Variants in RAB3B observed in about 807,000 individuals in gnomAD.
RAB3B encodes RAB3B, member RAS oncogene family.
Under a neutral mutation model 20.5 loss-of-function variants are expected in RAB3B, and 11 were observed. The observed-to-expected ratio is 0.54, with a 90% confidence interval of 0.34 to 0.89. RAB3B has a LOEUF of 0.89. RAB3B is among the 40% of genes least tolerant of loss of function. The probability of loss-of-function intolerance (pLI) is 0.02; values close to 1 mark genes in which losing one functional copy is unlikely to be tolerated. For synonymous variants in RAB3B, 99 were observed against 106.3 expected, an observed-to-expected ratio of 0.93 and a Z score of 0.42; for missense variants, 225 against 280.9, an observed-to-expected ratio of 0.80 and a Z score of 1.42.
At position 51,918,766 on chromosome 1, in the gene RAB3B, G is replaced by A. The variant is rs867474700; in HGVS notation, c.*1161C>T. 81 of 152,152 alleles carry A rather than the reference G, an allele frequency of 5.3e-4. 1 individual carries two copies. Among genetic ancestry groups the A allele is most frequent in the African/African-American group, 1.8e-3 (74 of 41,422 alleles). 9.4% of individuals were successfully genotyped at this position (152,152 alleles called of 1,614,324 possible). The stretch of plus-strand genomic sequence containing the variant: ...ATCCCGTCAAATCTAAAATCCTCAG[G>A]TTCTAGGAGTCTAAGAACTAATAAC... On this transcript the variant is annotated 3_prime_UTR_variant, in exon 5 of 5. Coordinates refer to ENST00000371655, the MANE Select transcript of RAB3B (RefSeq NM_002867.4).
At chr1:51,966,384 G>A (rs149950610) in intron 2 of RAB3B, among the ~76,000 whole-genome samples, 3 of 152,180 alleles carry the variant, frequency 2.0e-5, no homozygotes, top group Non-Finnish European at 2.9e-5. Flanking sequence ...ACAGTGCCTC[G>A]CATATAATAT....
intron 4 of RAB3B, among the ~76,000 whole-genome samples, chr1:51,926,377 T>C (rs889836793): frequency 1.5e-4 from 23 of 152,184 alleles, no homozygotes; most frequent in African/African-American, 4.8e-4. Context: ...TGCCTCCTTG[T>C]GGGAAGAATA....
chr1:51,953,364 CA>C (rs1404329304), intron 2 of RAB3B, among the ~76,000 whole-genome samples: 1 of 151,968 alleles, frequency 6.6e-6, no homozygotes, highest in Non-Finnish European at 1.5e-5. Context: ...GGAAGAGAGC[CA>C]GGAGGAAAAA....
rs1349734401 is a variant in RAB3B at position 51,913,316 on chromosome 1, C to T, written c.*6611G>A. 1 of 152,156 alleles carries T rather than the reference C, an allele frequency of 6.6e-6. No homozygotes were observed. Among genetic ancestry groups the T allele is most frequent in the East Asian group, 1.9e-4 (1 of 5,194 alleles). 9.4% of individuals were successfully genotyped at this position (152,156 alleles called of 1,614,324 possible). ...TGCCCTGCCCTATACAGTTTTGCCA[C>T]TTGTCTTTGGTGATATCATCGGAGC... is the stretch of plus-strand genomic sequence containing the variant. On this transcript the variant is annotated 3_prime_UTR_variant, in exon 5 of 5. Transcript: ENST00000371655.
At position 51,920,119 on chromosome 1, in the gene RAB3B, A is replaced by G. The variant is rs777988055; in HGVS notation, c.473-5T>C. The G allele has an allele frequency of 6.2e-7, 1 of 1,605,224 alleles. No individual in the cohort carries two copies. Among genetic ancestry groups the G allele is most frequent in the South Asian group, 1.1e-5 (1 of 90,148 alleles). On this transcript the variant is annotated splice_region_variant and splice_polypyrimidine_tract_variant and intron_variant, in intron 4 of 4. Transcript: ENST00000371655. ...TGGCTTCAAAGAAATCAAACCCTGG[A>G]AAGAGGAGAGATACAGATAAGGACT...
chr1:51,950,529 G>A (rs543115726), intron 2 of RAB3B, among the ~76,000 whole-genome samples: 1 of 152,312 alleles, frequency 6.6e-6, no homozygotes, highest in African/African-American at 2.4e-5. Context: ...AGAACTTCAG[G>A]ATTGGTTGGA....
Position 51,960,845 on chromosome 1 carries a change from C to T in RAB3B, c.228+16045G>A, listed in dbSNP as rs546737707. ...AACCCTAAGATCAGTCACAGTAGTA[C>T]AGCATAATAGAAACCTCATGAGCTA... On this transcript the variant is annotated intron_variant, in intron 2 of 4. Coordinates refer to ENST00000371655, the MANE Select transcript of RAB3B (RefSeq NM_002867.4). Among the ~76,000 whole-genome samples, 11 of 152,276 alleles carry T rather than the reference C, an allele frequency of 7.2e-5. No individual in the cohort carries two copies. The East Asian group carries it at 2.1e-3, about 29-fold the overall frequency.
At chr1:51,982,032 A>T (rs1685095324) in intron 1 of RAB3B, among the ~76,000 whole-genome samples, 1 of 152,100 alleles carries the variant, frequency 6.6e-6, no homozygotes. Context: ...AGCCTCAGGC[A>T]GGTCCTTCAG....
In RAB3B at chr1:51,937,395, C is replaced by T; in HGVS notation, c.246G>A (p.Glu82=). Residue 82 remains glutamate, a synonymous_variant, in exon 3 of 5, where the codon GAG becomes GAA. Coordinates refer to ENST00000371655, the MANE Select transcript of RAB3B (RefSeq NM_002867.4). The stretch of plus-strand genomic sequence containing the variant: ...AGGCTGTTGTGATGGTCCGGTACCG[C>T]TCCTGCCCAGCTGTGTCCTGGGCAG... The part of the protein sequence containing the change: ...KLQIWDTAGQ[E]RYRTITTAYY... 1 of 1,604,254 alleles carries T rather than the reference C, an allele frequency of 6.2e-7. No homozygotes were observed. Among genetic ancestry groups the T allele is most frequent in the Non-Finnish European group, 8.5e-7 (1 of 1,176,596 alleles).
chr1:51,951,533 A>C (rs1684642150), intron 2 of RAB3B, among the ~76,000 whole-genome samples: 1 of 152,178 alleles, frequency 6.6e-6, no homozygotes, highest in South Asian at 2.1e-4. Context: ...AGGTAATAAA[A>C]ATGGAGTCAG....
chr1:51,931,393 A>G (rs1157109892), intron 4 of RAB3B, among the ~76,000 whole-genome samples: 1 of 152,166 alleles, frequency 6.6e-6, no homozygotes, highest in African/African-American at 2.4e-5. Flanking sequence ...CAATTGGACT[A>G]TGACTGTTAC....
rs537705296 is a variant in RAB3B at position 51,915,386 on chromosome 1, G to A, written c.*4541C>T. 6.6e-6 allele frequency: 1 copy of A among 152,104 alleles called. No homozygotes were observed. Among genetic ancestry groups the A allele is most frequent in the South Asian group, 2.1e-4 (1 of 4,814 alleles). The allele number at this position is 152,104 out of a possible 1,614,324, so 9.4% of individuals were successfully genotyped here. On this transcript the variant is annotated 3_prime_UTR_variant, in exon 5 of 5. Coordinates refer to ENST00000371655, the MANE Select transcript of RAB3B (RefSeq NM_002867.4). ...ACTGTGATACTCTCAGAATAATTAG[G>A]AGATTTCCTTCCATTCTTTGGATGT...
chr1:51,928,761 T>C (rs1172948438), intron 4 of RAB3B, among the ~76,000 whole-genome samples: 21 of 152,198 alleles, frequency 1.4e-4, no homozygotes. Flanking sequence ...TGCCATGGCC[T>C]TCTTTCAATT....
intron 1 of RAB3B, among the ~76,000 whole-genome samples, chr1:51,978,048 C>A (rs1490035267): frequency 6.8e-6 from 1 of 147,012 alleles, no homozygotes; most frequent in East Asian, 2.5e-4. Flanking sequence ...GCCTAGAATT[C>A]TCTTTTCCTC....
chr1:51,962,963 A>G lies in RAB3B; in HGVS notation c.228+13927T>C, dbSNP rs112174302. 7.6e-3 allele frequency among the ~76,000 whole-genome samples: 1,156 copies of G among 152,246 alleles called. 8 individuals are homozygous for G. The highest frequency in any genetic ancestry group is 0.029 in the South Asian group (142 of 4,814). On this transcript the variant is annotated intron_variant, in intron 2 of 4. Coordinates refer to ENST00000371655, the MANE Select transcript of RAB3B (RefSeq NM_002867.4). ...ACAAAACAAAACACCTCCAGCTTTC[A>G]ATATCATGAGATTATACCACCCACT...
intron 2 of RAB3B, among the ~76,000 whole-genome samples, chr1:51,939,936 G>A (rs182827761): frequency 6.6e-5 from 10 of 152,256 alleles, no homozygotes; most frequent in African/African-American, 2.4e-4. Flanking sequence ...ATCAATGAAA[G>A]ATTGATTTAT....
At chr1:51,931,785 C>T (rs1250953140) in intron 4 of RAB3B, among the ~76,000 whole-genome samples, 1 of 151,998 alleles carries the variant, frequency 6.6e-6, no homozygotes, top group Non-Finnish European at 1.5e-5. Flanking sequence ...GAAGTGTAAG[C>T]TGTTTTGAAA....
At chr1:51,983,474 T>C (rs921969085) in intron 1 of RAB3B, among the ~76,000 whole-genome samples, 4 of 152,210 alleles carry the variant, frequency 2.6e-5, no homozygotes, top group Admixed American at 6.5e-5. Flanking sequence ...AGGCTATCTA[T>C]TCCATATAGA....
At chr1:51,971,781 T>C (rs1684940192) in intron 2 of RAB3B, among the ~76,000 whole-genome samples, 1 of 152,214 alleles carries the variant, frequency 6.6e-6, no homozygotes, top group Non-Finnish European at 1.5e-5. Context: ...GAGTGGCTAA[T>C]GGGCAGATAG....
Sources: allele counts gnomAD v4.1 joint callset (sites outside exome capture counted in the v4.1 genomes callset), GRCh38; gene constraint gnomAD v4.1.1; transcripts MANE v1.5; gene names NCBI Gene and HGNC (gene_info 2026-07-23, HGNC 2026-07-21).